Variants in FAM98A observed in about 807,000 individuals in gnomAD.
The protein encoded by FAM98A is tRNA splicing ligase complex subunit 3A.
FAM98A carries 25 observed loss-of-function variants against 62.9 expected under a neutral mutation model. The ratio of observed to expected loss-of-function variants is 0.40; its 90% confidence interval spans 0.29 to 0.56. The LOEUF (loss-of-function observed/expected upper bound fraction) is 0.56, where lower values mean the gene tolerates loss of function less well. FAM98A is among the 20% of genes least tolerant of loss of function. The pLI is 0.51. For synonymous variants in FAM98A, 252 were observed against 228.6 expected, an observed-to-expected ratio of 1.10 and a Z score of -0.92; for missense variants, 653 against 640.7, an observed-to-expected ratio of 1.02 and a Z score of -0.21.
At chr2:33,588,085 T>G (rs1310341357) in intron 4 of FAM98A, 1 of 482,156 alleles carries the variant, frequency 2.1e-6, no homozygotes, top group Non-Finnish European at 3.9e-6. Flanking sequence ...TAGCTTACTT[T>G]AGCTTACAAA....
Position 33,586,612 on chromosome 2 carries a change from T to C in FAM98A, c.670A>G (p.Lys224Glu). 6.2e-7 allele frequency: 1 copy of C among 1,613,916 alleles called. No homozygotes were observed. The highest frequency in any genetic ancestry group is 8.5e-7 in the Non-Finnish European group (1 of 1,179,826). Residue 224 changes from lysine (K) to glutamate (E), a missense_variant, in exon 6 of 8, where the codon AAA (lysine) becomes GAA (glutamate). By Grantham distance (56) the Lys-to-Glu change is moderately conservative. Transcript: ENST00000238823. ...GATTGTACAGTGACATCCAAACGTT[T>C]TATTAGCAGCTTTCTCCGGACTTCA... ...EYEVRRKLLIKRLDVTVQSFG... is the reference protein window; with the variant it reads ...EYEVRRKLLIERLDVTVQSFG...
intron 3 of FAM98A, among the ~76,000 whole-genome samples, chr2:33,590,505 G>C (rs769174445): frequency 6.6e-6 from 1 of 152,174 alleles, no homozygotes; most frequent in African/African-American, 2.4e-5. Flanking sequence ...GTAAATGCTA[G>C]AATGAAAGAG....
At chr2:33,591,877 T>G in intron 3 of FAM98A, 1 of 438,084 alleles carries the variant, frequency 2.3e-6, no homozygotes. Flanking sequence ...ATTGAAAGAG[T>G]ATCAGTTACA....
rs370142791 is a variant in FAM98A at position 33,584,859 on chromosome 2, C to T, written c.1474G>A (p.Gly492Ser). ...GRGSQNYHQG[G>S]QFEQHFQHGG... ...TGCTGGAAATGCTGTTCAAATTGAC[C>T]CCCTTGGTGATAATTCTGGCTCCCT... The change falls in exon 8 of 8, where the codon GGT (glycine) becomes AGT (serine). Residue 492 changes from glycine to serine, a missense_variant. Coordinates refer to ENST00000238823, the MANE Select transcript of FAM98A (RefSeq NM_015475.5). 6.2e-6 allele frequency: 10 copies of T among 1,614,002 alleles called. No individual in the cohort carries two copies. In the South Asian group the frequency reaches 9.9e-5, roughly 16 times the overall value.
intron 1 of FAM98A, among the ~76,000 whole-genome samples, chr2:33,598,223 A>T (rs1051624213): frequency 1.3e-5 from 2 of 152,230 alleles, no homozygotes; most frequent in Admixed American, 6.5e-5. Context: ...TTTCCTTGTC[A>T]TGGAAAAACC....
chr2:33,593,418 A>C (rs1159604281), intron 2 of FAM98A, among the ~76,000 whole-genome samples: 2 of 152,100 alleles, frequency 1.3e-5, no homozygotes, highest in Non-Finnish European at 2.9e-5. Flanking sequence ...CAAACAAACA[A>C]AAGGACTGTA....
chr2:33,598,292 CTTTGT>C (rs1305639243), intron 1 of FAM98A, among the ~76,000 whole-genome samples: 1 of 152,170 alleles, frequency 6.6e-6, no homozygotes, highest in African/African-American at 2.4e-5. Flanking sequence ...TAAATCTGTA[CTTTGT>C]TTTGATACCG....
chr2:33,588,724 T>C, intron 3 of FAM98A: 1 of 364,814 alleles, frequency 2.7e-6, no homozygotes, highest in South Asian at 1.1e-4. Flanking sequence ...CGATATATAA[T>C]GTTTAAATGT....
At chr2:33,593,390 T>A (rs911272412) in intron 2 of FAM98A, among the ~76,000 whole-genome samples, 2 of 152,076 alleles carry the variant, frequency 1.3e-5, no homozygotes, top group African/African-American at 4.8e-5. Context: ...GGTGACAGAG[T>A]GAGATCTTGT....
At chr2:33,597,570 AT>A (rs1677840928) in intron 1 of FAM98A, among the ~76,000 whole-genome samples, 1 of 152,158 alleles carries the variant, frequency 6.6e-6, no homozygotes, top group Non-Finnish European at 1.5e-5. Flanking sequence ...ACCCAAAAGA[AT>A]AAAAAGTTAA....
At position 33,599,288 on chromosome 2, in the gene FAM98A, G is replaced by T; in HGVS notation, c.-67C>A. 7.4e-7 allele frequency: 1 copy of T among 1,351,692 alleles called. No individual in the cohort carries two copies. The highest frequency in any genetic ancestry group is 1.1e-6 in the Non-Finnish European group (1 of 940,304). 83.7% of individuals were successfully genotyped at this position (1,351,692 alleles called of 1,614,324 possible). A position where few individuals can be genotyped will look rare whatever the true frequency, so the allele number is the denominator to read the frequency against. On this transcript the variant is annotated 5_prime_UTR_variant, in exon 1 of 8. Coordinates refer to ENST00000238823, the MANE Select transcript of FAM98A (RefSeq NM_015475.5). ...CTTCGCCGGCAACGCGTACACTCGC[G>T]CATGCGCGACTTCCCCGGAACTTCC... is the stretch of plus-strand genomic sequence containing the variant.
chr2:33,586,998 T>C (rs1397848784), intron 5 of FAM98A: 8 of 525,474 alleles, frequency 1.5e-5, no homozygotes, highest in Non-Finnish European at 2.7e-5. Flanking sequence ...CATACTTAAT[T>C]TCAGTTTACT....
chr2:33,584,785 G>A lies in FAM98A; in HGVS notation c.1548C>T (p.Tyr516=), dbSNP rs150732265. The change falls in exon 8 of 8, where the codon TAC becomes TAT. Residue 516 remains tyrosine (Y), a synonymous_variant. Coordinates refer to ENST00000238823, the MANE Select transcript of FAM98A (RefSeq NM_015475.5). The part of the protein sequence containing the change: ...NHSGFGQGRH[Y]TS ...GTAAGGTTCGGTAGCCTCAACTAGTGTAATGTCTTCCCTGTCCAAATCCAG... is the reference window on the plus strand; with the variant it reads ...GTAAGGTTCGGTAGCCTCAACTAGTATAATGTCTTCCCTGTCCAAATCCAG... 496 of 1,598,574 alleles carry A rather than the reference G, an allele frequency of 3.1e-4. No individual in the cohort carries two copies. Among genetic ancestry groups the A allele is most frequent in the Non-Finnish European group, 4.0e-4 (473 of 1,168,434 alleles).
rs373278293 is a variant in FAM98A, at chr2:33,599,245, G to A, written c.-24C>T. ...ATGCTACTGTGGTATTCAAATTTCC[G>A]AGTCGTCAGGCTCCCCTCTTCGCCG... On this transcript the variant is annotated 5_prime_UTR_variant, in exon 1 of 8. Coordinates refer to ENST00000238823, the MANE Select transcript of FAM98A (RefSeq NM_015475.5). 47 of 1,604,564 alleles carry A rather than the reference G, an allele frequency of 2.9e-5. No homozygotes were observed. Among genetic ancestry groups the A allele is most frequent in the South Asian group, 1.8e-4 (16 of 90,856 alleles).
intron 7 of FAM98A, 39 bp from the exon 8 acceptor site, chr2:33,585,483 G>C: frequency 3.1e-6 from 5 of 1,612,980 alleles, no homozygotes; most frequent in Non-Finnish European, 4.2e-6. Flanking sequence ...TTTATTTTAT[G>C]AACAGAAATA....
At chr2:33,587,546 C>G in intron 4 of FAM98A, 2 of 502,066 alleles carry the variant, frequency 4.0e-6, no homozygotes, top group East Asian at 6.9e-5. Context: ...TGCCTGACAA[C>G]AGTAGGCACT....
At chr2:33,586,935 C>T in intron 5 of FAM98A, 1 of 521,602 alleles carries the variant, frequency 1.9e-6, no homozygotes, top group Non-Finnish European at 3.4e-6. Flanking sequence ...GAAGCTCAGC[C>T]CAGTGAAGTT....
At chr2:33,591,948 A>T in intron 3 of FAM98A, 132 bp downstream of exon 3, 1 of 879,542 alleles carries the variant, frequency 1.1e-6, no homozygotes, top group Non-Finnish European at 1.7e-6. Context: ...AAATTTAAGA[A>T]AGTTTTATTT....
intron 1 of FAM98A, among the ~76,000 whole-genome samples, chr2:33,598,535 C>A (rs1252608996): frequency 6.6e-6 from 1 of 152,180 alleles, no homozygotes; most frequent in East Asian, 1.9e-4. Flanking sequence ...GTGAAGACGA[C>A]CCTGGTCTAA....
Sources: allele counts gnomAD v4.1 joint callset (sites outside exome capture counted in the v4.1 genomes callset), GRCh38; gene constraint gnomAD v4.1.1; transcripts MANE v1.5; gene names NCBI Gene and HGNC (gene_info 2026-07-23, HGNC 2026-07-21).